The following BMERB1 variants were observed in gnomAD, a reference collection of about 807,000 sequenced individuals.
The protein encoded by BMERB1 is bMERB domain containing 1.
Under a neutral mutation model 23.6 loss-of-function variants are expected in BMERB1, and 12 were observed. The observed-to-expected ratio is 0.51, with a 90% CI of 0.33 to 0.82. BMERB1 has a LOEUF of 0.82. Among genes scored for constraint, BMERB1 ranks in the 40% least tolerant of loss-of-function variants. BMERB1 has a pLI of 0.03. For synonymous variants in BMERB1, 122 were observed against 96.6 expected (o/e 1.26, Z -1.54); for missense variants, 247 against 255.4 (o/e 0.97, Z 0.22).
At chr16:15,435,177 T>G (rs2050877523) in intron 1 of BMERB1, among the ~76,000 whole-genome samples, 1 of 151,732 alleles carries the variant, frequency 6.6e-6, no homozygotes, top group South Asian at 2.1e-4. Flanking sequence ...GAGGGGGGAG[T>G]GTCTGCTGGT....
intron 2 of BMERB1, among the ~76,000 whole-genome samples, chr16:15,530,704 G>T (rs1253806758): frequency 1.3e-5 from 2 of 152,128 alleles, no homozygotes; most frequent in Non-Finnish European, 2.9e-5. Context: ...AATCATGTGG[G>T]TGGTTGCGCC....
At chr16:15,537,897 G>A in intron 2 of BMERB1, among the ~76,000 whole-genome samples, 1 of 152,028 alleles carries the variant, frequency 6.6e-6, no homozygotes, top group East Asian at 1.9e-4. Context: ...GGCCTCAAGT[G>A]ATTCTCCTGC....
chr16:15,523,919 C>G (rs2051880975), intron 2 of BMERB1, among the ~76,000 whole-genome samples: 1 of 152,200 alleles, frequency 6.6e-6, no homozygotes, highest in Non-Finnish European at 1.5e-5. Context: ...CCTTGAGACC[C>G]TCTTGGGAGG....
At chr16:15,511,231 C>A (rs1256062295) in intron 1 of BMERB1, among the ~76,000 whole-genome samples, 1 of 152,110 alleles carries the variant, frequency 6.6e-6, no homozygotes, top group Non-Finnish European at 1.5e-5. Flanking sequence ...CGCTCCCTCT[C>A]CCCAAGCCAC....
intron 1 of BMERB1, among the ~76,000 whole-genome samples, chr16:15,470,726 A>G (rs765014407): frequency 2.0e-5 from 3 of 148,154 alleles, no homozygotes; most frequent in South Asian, 2.1e-4. Context: ...GGGTTTCACC[A>G]TGTTGGCCAA....
intron 1 of BMERB1, among the ~76,000 whole-genome samples, chr16:15,509,343 GA>G (rs1232850207): frequency 1.4e-5 from 2 of 139,820 alleles, no homozygotes; most frequent in African/African-American, 5.3e-5. Context: ...GGTGGGGGGG[GA>G]GAGAGAGAGC....
intron 1 of BMERB1, among the ~76,000 whole-genome samples, chr16:15,501,998 G>A (rs953419695): frequency 1.3e-5 from 2 of 152,130 alleles, no homozygotes; most frequent in Admixed American, 1.3e-4. Context: ...CAATTGGACC[G>A]CACTGATCTA....
chr16:15,458,570 AGCTGAGTATGGTGGT>A (rs2051106928), intron 1 of BMERB1, among the ~76,000 whole-genome samples: 1 of 151,942 alleles, frequency 6.6e-6, no homozygotes, highest in Non-Finnish European at 1.5e-5. Flanking sequence ...TGAAAAAATT[AGCTGAGTATGGTGGT>A]GCACACCTGT....
chr16:15,533,390 TC>T (rs2051988992), intron 2 of BMERB1, among the ~76,000 whole-genome samples: 1 of 150,526 alleles, frequency 6.6e-6, no homozygotes, highest in African/African-American at 2.5e-5. Flanking sequence ...GAAGTTCGTT[TC>T]TTTCTTTTTT....
intron 1 of BMERB1, among the ~76,000 whole-genome samples, chr16:15,509,637 C>G (rs1256561461): frequency 6.6e-6 from 1 of 152,102 alleles, no homozygotes; most frequent in East Asian, 1.9e-4. Context: ...GACCCCACTT[C>G]CCCCATGCAC....
At chr16:15,435,332 CTT>C (rs2050879144) in intron 1 of BMERB1, among the ~76,000 whole-genome samples, 2 of 152,226 alleles carry the variant, frequency 1.3e-5, no homozygotes, top group Admixed American at 1.3e-4. Flanking sequence ...TCTTTTCTCT[CTT>C]GACTCAGTTA....
At chr16:15,516,799 G>C (rs1598487861) in intron 2 of BMERB1, among the ~76,000 whole-genome samples, 1 of 152,164 alleles carries the variant, frequency 6.6e-6, no homozygotes, top group East Asian at 1.9e-4. Context: ...GGGAGTTAGG[G>C]TTCAGACTCA....
intron 1 of BMERB1, among the ~76,000 whole-genome samples, chr16:15,469,845 A>C (rs1239835112): frequency 6.6e-6 from 1 of 152,220 alleles, no homozygotes; most frequent in Non-Finnish European, 1.5e-5. Flanking sequence ...TGGATCTTGC[A>C]AACTTTCTAA....
In BMERB1 at chr16:15,461,357, A is replaced by T. The variant is rs532712901; in HGVS notation, c.106+26598A>T. On this transcript the variant is annotated intron_variant, in intron 1 of 5. Coordinates refer to ENST00000300006, the MANE Select transcript of BMERB1 (RefSeq NM_033201.3). ...TCCTGGGACCAAAAAGCAATTCGTT[A>T]TCAATAAAACATACTTTGCGTTGGT... Among the ~76,000 whole-genome samples, 11 of 152,232 alleles carry T rather than the reference A, an allele frequency of 7.2e-5. No homozygotes were observed. The South Asian group carries it at 2.3e-3, about 32-fold the overall frequency.
intron 2 of BMERB1, among the ~76,000 whole-genome samples, chr16:15,567,730 T>C (rs552447190): frequency 5.3e-5 from 8 of 152,162 alleles, no homozygotes; most frequent in Non-Finnish European, 1.0e-4. Context: ...GCCACTGCAC[T>C]CCAGCCTGGG....
chr16:15,477,890 C>T (rs1193281495), intron 1 of BMERB1, among the ~76,000 whole-genome samples: 1 of 152,050 alleles, frequency 6.6e-6, no homozygotes, highest in African/African-American at 2.4e-5. Context: ...TCAGAATCTC[C>T]TTATGCTTGT....
rs1472169781 is a variant in BMERB1, at chr16:15,515,384, T to A, written c.186T>A (p.Arg62=). The A allele has an allele frequency of 1.2e-6, 2 of 1,613,856 alleles. No homozygotes were observed. The highest frequency in any genetic ancestry group is 2.7e-5 in the African/African-American group (2 of 74,874). Residue 62 remains arginine, a synonymous_variant, in exon 2 of 6, where the codon CGT becomes CGA. Coordinates refer to ENST00000300006, the MANE Select transcript of BMERB1 (RefSeq NM_033201.3). ...EIELEMAKIQ[R]LREVLVRRES... is the part of the protein sequence containing the mutation. ...AGCTGGAGATGGCAAAAATTCAGCG[T>A]CTCCGGGAAGTCTTGGTCCGCCGGG...
intron 1 of BMERB1, among the ~76,000 whole-genome samples, chr16:15,452,973 A>G (rs192839406): frequency 6.6e-6 from 1 of 152,284 alleles, no homozygotes; most frequent in African/African-American, 2.4e-5. Flanking sequence ...CCACTAAGGA[A>G]TGACACTGGT....
chr16:15,562,340 A>G (rs1246354797), intron 2 of BMERB1, among the ~76,000 whole-genome samples: 2 of 152,010 alleles, frequency 1.3e-5, no homozygotes, highest in African/African-American at 2.4e-5. Context: ...ATAATTAAAA[A>G]TGAGTTAGGT....
Sources: allele counts gnomAD v4.1 joint callset (sites outside exome capture counted in the v4.1 genomes callset), GRCh38; gene constraint gnomAD v4.1.1; transcripts MANE v1.5; gene names NCBI Gene and HGNC (gene_info 2026-07-23, HGNC 2026-07-21).